Variants in SFI1 observed in about 807,000 individuals in gnomAD.
SFI1 encodes the protein protein SFI1 homolog.
In SFI1, 195 loss-of-function variants were observed where a neutral mutation model predicts 207.5. The observed-to-expected ratio is 0.94, with a 90% CI of 0.84 to 1.06. The LOEUF is 1.06. Among genes scored for constraint, SFI1 ranks in the 50% least tolerant of loss-of-function variants. The probability of loss-of-function intolerance (pLI) is 0.00; values close to 1 mark genes in which losing one functional copy is unlikely to be tolerated. For missense variants in SFI1, 1,634 were observed against 1,588.0 expected, an observed-to-expected ratio of 1.03 and a Z score of -0.49; for synonymous variants, 630 against 598.9, an observed-to-expected ratio of 1.05 and a Z score of -0.76.
At chr22:31,559,496 TC>T in intron 7 of SFI1, 1 of 514,146 alleles carries the variant, frequency 1.9e-6, no homozygotes, top group Non-Finnish European at 3.7e-6. Flanking sequence ...TCTCTAGTGA[TC>T]CCTGAAAAGT....
In SFI1 at chr22:31,575,208, CTTAAG is replaced by C. The variant is rs910698209; in HGVS notation, c.923-19_923-15del. 7 of 1,589,164 alleles carry C rather than the reference CTTAAG, an allele frequency of 4.4e-6. No individual in the cohort carries two copies. The highest frequency in any genetic ancestry group is 3.5e-5 in the Admixed American group (2 of 57,676). On this transcript the variant is annotated intron_variant, in intron 9 of 32. Coordinates refer to ENST00000400288, the MANE Select transcript of SFI1 (RefSeq NM_001007467.3). ...CTCATCTAACCTTAGGGGAGTAGCA[CTTAAG>C]TTATTTCTCTGTTGCAGAGATGGCT...
chr22:31,608,627 G>A (rs1452020291), intron 22 of SFI1, among the ~76,000 whole-genome samples: 1 of 146,680 alleles, frequency 6.8e-6, no homozygotes, highest in Non-Finnish European at 1.5e-5. Context: ...GAAGGCTAGA[G>A]CTTGAGATCT....
rs777136780 is a variant in SFI1, at chr22:31,611,185, G to T, written c.2297G>T (p.Arg766Leu). ...TTTCAGCGCTGGTGGGACTGCAGCC[G>T]GAGGTCAGCCCAGCAGAGACTGCAG... is the stretch of plus-strand genomic sequence containing the variant. ...TWFQRWWDCSRRSAQQRLQLE... is the reference protein window; with the variant it reads ...TWFQRWWDCSLRSAQQRLQLE... The change falls in exon 23 of 33, where the codon CGG becomes CTG. Residue 766 changes from arginine to leucine, a missense_variant. By Grantham distance (102) the Arg-to-Leu change is moderately radical. Transcript: ENST00000400288. 6.2e-7 allele frequency: 1 copy of T among 1,614,118 alleles called. No individual in the cohort carries two copies. Among genetic ancestry groups the T allele is most frequent in the Admixed American group, 1.7e-5 (1 of 60,028 alleles).
intron 4 of SFI1, among the ~76,000 whole-genome samples, chr22:31,537,153 C>T (rs1428896436): frequency 3.9e-5 from 6 of 152,116 alleles, no homozygotes; most frequent in Non-Finnish European, 7.4e-5. Flanking sequence ...AGTTCAACAT[C>T]CTTAGCACAT....
chr22:31,540,457 T>C lies in SFI1; in HGVS notation c.339-6404T>C, dbSNP rs1412441717. Among the ~76,000 whole-genome samples, 5 of 151,888 alleles carry C rather than the reference T, an allele frequency of 3.3e-5. No homozygotes were observed. The East Asian group carries it at 9.7e-4, about 29-fold the overall frequency. ...CCACCATGCCTGGCTGATTTTTGTG[T>C]TACTAGTAAAGACGGGGTTTCACCC... On this transcript the variant is annotated intron_variant, in intron 4 of 32. Coordinates refer to ENST00000400288, the MANE Select transcript of SFI1 (RefSeq NM_001007467.3).
intron 4 of SFI1, among the ~76,000 whole-genome samples, chr22:31,544,058 G>A (rs781372693): frequency 7.9e-5 from 12 of 151,946 alleles, no homozygotes; most frequent in Admixed American, 2.6e-4. Context: ...TTTGGGTGGC[G>A]TGTGCCTGGA....
chr22:31,531,243 C>A, intron 4 of SFI1, 114 bp downstream of exon 4: 1 of 794,320 alleles, frequency 1.3e-6, no homozygotes, highest in East Asian at 2.5e-5. Flanking sequence ...CCTCCCCAGC[C>A]TCCAGTAGGT....
intron 15 of SFI1, among the ~76,000 whole-genome samples, chr22:31,591,788 A>ATC: frequency 1.9e-5 from 1 of 51,344 alleles, no homozygotes; most frequent in Non-Finnish European, 3.4e-5. Flanking sequence ...GACCCCCCCC[A>ATC]CCTCCCTCCC....
At position 31,589,498 on chromosome 22, in the gene SFI1, G is replaced by A. The variant is rs192196763; in HGVS notation, c.1465G>A (p.Ala489Thr). The change falls in exon 15 of 33, where the codon GCC (alanine) becomes ACC (threonine). Residue 489 changes from alanine (A) to threonine (T), a missense_variant. Transcript: ENST00000400288. Reference protein sequence around the residue: ...GHFQQRALPAAFHTWNRLWRW... With the variant: ...GHFQQRALPATFHTWNRLWRW... ...TTTCCAGCAGAGAGCCCTGCCTGCT[G>A]CCTTCCACACATGGAACAGACTCTG... 8.6e-5 allele frequency: 138 copies of A among 1,614,016 alleles called. No individual in the cohort carries two copies. Among genetic ancestry groups the A allele is most frequent in the Non-Finnish European group, 1.1e-4 (124 of 1,180,012 alleles).
chr22:31,583,831 C>T (rs1242991861), intron 12 of SFI1, 44 bp from the exon 13 acceptor site: 1 of 1,549,000 alleles, frequency 6.5e-7, no homozygotes, highest in African/African-American at 1.4e-5. Flanking sequence ...ACTGTTTTAC[C>T]TTTCATCTCA....
intron 7 of SFI1, among the ~76,000 whole-genome samples, chr22:31,560,749 T>TAG (rs1209569008): frequency 6.6e-6 from 1 of 150,884 alleles, no homozygotes; most frequent in African/African-American, 2.4e-5. Flanking sequence ...TCACCCAGGC[T>TAG]AGAGTGCAGT....
intron 24 of SFI1, 117 bp downstream of exon 24, chr22:31,611,957 TCC>T: frequency 6.8e-7 from 1 of 1,464,524 alleles, no homozygotes; most frequent in Non-Finnish European, 9.1e-7. Flanking sequence ...ACTATCACCC[TCC>T]CCAGGGCCAC....
chr22:31,524,081 A>AT (rs1351946332), intron 2 of SFI1, among the ~76,000 whole-genome samples: 1 of 151,406 alleles, frequency 6.6e-6, no homozygotes, highest in East Asian at 2.0e-4. Context: ...GTGCACCTGT[A>AT]GTCCCACCTA....
chr22:31,502,016 T>C (rs1243392750), intron 1 of SFI1, among the ~76,000 whole-genome samples: 1 of 152,198 alleles, frequency 6.6e-6, no homozygotes, highest in Non-Finnish European at 1.5e-5. Context: ...CATCCCCCCT[T>C]GTGCCCTGAG....
chr22:31,555,500 CT>C (rs1292158051), intron 6 of SFI1, among the ~76,000 whole-genome samples: 9 of 152,132 alleles, frequency 5.9e-5, no homozygotes, highest in African/African-American at 2.2e-4. Flanking sequence ...ACTTTTAGGC[CT>C]TAAGGAAGCA....
intron 2 of SFI1, among the ~76,000 whole-genome samples, chr22:31,520,340 A>G (rs935641605): frequency 2.0e-5 from 3 of 152,112 alleles, no homozygotes; most frequent in African/African-American, 7.2e-5. Context: ...TAAACACTGT[A>G]TAGTTTAGCT....
In SFI1 at chr22:31,602,279, C is replaced by G. The variant is rs376085123; in HGVS notation, c.1612C>G (p.Leu538Val). 1 of 1,613,830 alleles carries G rather than the reference C, an allele frequency of 6.2e-7. No individual in the cohort carries two copies. The highest frequency in any genetic ancestry group is 8.5e-7 in the Non-Finnish European group (1 of 1,179,928). The part of the protein sequence containing the change: ...QKMFQHRENR[L>V]AERMAILHAE... ...GATGTTTCAGCATCGAGAAAACCGC[C>G]TGGCAGAGAGAATGGTAAATGGCTG... Residue 538 changes from leucine (L) to valine (V), a missense_variant, in exon 16 of 33, where the codon CTG (leucine) becomes GTG (valine). By Grantham distance (32) the Leu-to-Val change is conservative. Transcript: ENST00000400288.
chr22:31,559,768 C>G (rs1305980633), intron 7 of SFI1: 2 of 763,804 alleles, frequency 2.6e-6, no homozygotes, highest in Non-Finnish European at 4.7e-6. Flanking sequence ...GAAAATATAG[C>G]CAGGTCCTAG....
chr22:31,612,396 AAAATATATATATAT>A (rs2070428575), intron 24 of SFI1: 1 of 95,758 alleles, frequency 1.0e-5, no homozygotes, highest in Non-Finnish European at 2.1e-5. Flanking sequence ...AAAAAAAAAA[AAAATATATATATAT>A]ATATATATAT....
Sources: gnomAD v4.1 joint callset for allele counts (sites outside exome capture counted in the v4.1 genomes callset) on GRCh38, gnomAD v4.1.1 for gene constraint, MANE v1.5 for transcripts, NCBI Gene and HGNC (gene_info 2026-07-23, HGNC 2026-07-21) for gene names.